The following SLCO1A2 variants were observed in gnomAD, a reference collection of about 807,000 sequenced individuals.
SLCO1A2 encodes the protein OATP-1.
SLCO1A2 carries 67 observed loss-of-function variants against 69.0 expected under a neutral mutation model. The ratio of observed to expected loss-of-function variants is 0.97; its 90% CI spans 0.80 to 1.19. The LOEUF (loss-of-function observed/expected upper bound fraction) is 1.19, where lower values mean the gene tolerates loss of function less well. SLCO1A2 is among the 50% of genes most tolerant of loss of function. The pLI is 0.00. For missense variants in SLCO1A2, 787 were observed against 793.7 expected, an observed-to-expected ratio of 0.99 and a Z score of 0.10; for synonymous variants, 260 against 265.9, an observed-to-expected ratio of 0.98 and a Z score of 0.22.
At chr12:21,391,524 C>T (rs931751586) in intron 1 of SLCO1A2, among the ~76,000 whole-genome samples, 3 of 152,010 alleles carry the variant, frequency 2.0e-5, no homozygotes, top group Admixed American at 6.6e-5. Flanking sequence ...TCAAAAGTTG[C>T]GATAATGTAC....
intron 1 of SLCO1A2, among the ~76,000 whole-genome samples, chr12:21,380,281 T>A (rs747933038): frequency 6.6e-6 from 1 of 152,202 alleles, no homozygotes; most frequent in Non-Finnish European, 1.5e-5. Flanking sequence ...TTTCTAGTGT[T>A]AACAAAATTT....
Position 21,334,606 on chromosome 12 carries a change from T to C in SLCO1A2, c.42A>G (p.Arg14=), listed in dbSNP as rs1435917959. ...TCCATACCTTCAACTTGGAAAGACA[T>C]CTTATTCTATGGGTTTCAATTCTTT... ...TEKRIETHRI[R]CLSKLKMFLL... is the part of the protein sequence containing the mutation. The change falls in exon 2 of 15, where the codon AGA becomes AGG. Residue 14 remains arginine, a synonymous_variant. Coordinates refer to ENST00000683939, the MANE Select transcript of SLCO1A2 (RefSeq NM_001386879.1). 6.2e-7 allele frequency: 1 copy of C among 1,610,450 alleles called. No homozygotes were observed. Among genetic ancestry groups the C allele is most frequent in the East Asian group, 2.2e-5 (1 of 44,732 alleles).
chr12:21,402,501 T>G (rs1941739320), intron 1 of SLCO1A2, among the ~76,000 whole-genome samples: 1 of 152,026 alleles, frequency 6.6e-6, no homozygotes, highest in South Asian at 2.1e-4. Context: ...AATTAAAAAT[T>G]TTTTGAAAGA....
At position 21,266,213 on chromosome 12, in the gene SLCO1A2, G is replaced by T. The variant is rs893202738; in HGVS notation, c.*3335C>A. ...CAAGCTTTTGGTTACAAAACATTTC[G>T]AGCTTTTCTTTAATTACTTAGTCTT... On this transcript the variant is annotated 3_prime_UTR_variant, in exon 15 of 15. Transcript: ENST00000683939. 1 of 152,054 alleles carries T rather than the reference G, an allele frequency of 6.6e-6. No individual in the cohort carries two copies. The highest frequency in any genetic ancestry group is 2.4e-5 in the African/African-American group (1 of 41,428). The allele number at this position is 152,054 out of a possible 1,614,324, so 9.4% of individuals were successfully genotyped here.
At chr12:21,324,917 T>G (rs1380255378) in intron 2 of SLCO1A2, among the ~76,000 whole-genome samples, 1 of 152,222 alleles carries the variant, frequency 6.6e-6, no homozygotes, top group Non-Finnish European at 1.5e-5. Flanking sequence ...CAAGATCCTA[T>G]GCAAACAATT....
chr12:21,328,180 C>T (rs562303578), intron 2 of SLCO1A2, among the ~76,000 whole-genome samples: 1 of 152,134 alleles, frequency 6.6e-6, no homozygotes, highest in Non-Finnish European at 1.5e-5. Context: ...CCATGTGGAA[C>T]TGTGAGTCCA....
At chr12:21,308,753 T>C (rs925807678) in intron 4 of SLCO1A2, among the ~76,000 whole-genome samples, 1 of 152,242 alleles carries the variant, frequency 6.6e-6, no homozygotes, top group South Asian at 2.1e-4. Flanking sequence ...TTCTGAGCCA[T>C]GTGCGAAACA....
At position 21,265,034 on chromosome 12, in the gene SLCO1A2, G is replaced by C. The variant is rs980753080; in HGVS notation, c.*4514C>G. On this transcript the variant is annotated 3_prime_UTR_variant, in exon 15 of 15. Coordinates refer to ENST00000683939, the MANE Select transcript of SLCO1A2 (RefSeq NM_001386879.1). ...GGACATGAGGAGAGGAGGGATGGCA[G>C]AATTTTATCTGGAGCCTTTCACATG... 6.6e-5 allele frequency: 10 copies of C among 152,542 alleles called. No individual in the cohort carries two copies. The highest frequency in any genetic ancestry group is 2.4e-4 in the African/African-American group (10 of 41,540). 9.4% of individuals were successfully genotyped at this position (152,542 alleles called of 1,614,324 possible).
chr12:21,408,042 G>A (rs748220568), intron 1 of SLCO1A2, among the ~76,000 whole-genome samples: 2 of 152,076 alleles, frequency 1.3e-5, no homozygotes, highest in Admixed American at 1.3e-4. Context: ...TTTCTATAGG[G>A]GGAATGTTTA....
chr12:21,408,100 A>G (rs772749173), intron 1 of SLCO1A2, among the ~76,000 whole-genome samples: 2 of 152,228 alleles, frequency 1.3e-5, no homozygotes, highest in East Asian at 1.9e-4. Context: ...AAGGCACCAA[A>G]CTATTTTCCC....
chr12:21,269,385 C>A lies in SLCO1A2; in HGVS notation c.*163G>T. 1.9e-6 allele frequency: 1 copy of A among 525,418 alleles called. No individual in the cohort carries two copies. The highest frequency in any genetic ancestry group is 3.3e-6 in the Non-Finnish European group (1 of 303,026). 32.5% of individuals were successfully genotyped at this position (525,418 alleles called of 1,614,324 possible). On this transcript the variant is annotated 3_prime_UTR_variant, in exon 15 of 15. Transcript: ENST00000683939. ...TAGGAAAACTCAAGTGTCACTGATA[C>A]CTTAGAAATATCATTAGTGAACATT...
At chr12:21,395,815 C>T (rs368758769), upstream of SLCO1A2, among the ~76,000 whole-genome samples, 1 of 152,176 alleles carries the variant, frequency 6.6e-6, no homozygotes, top group East Asian at 1.9e-4. Flanking sequence ...TGAGGGTCCT[C>T]TCTGTTGGAA....
intron 2 of SLCO1A2, among the ~76,000 whole-genome samples, chr12:21,369,118 A>T (rs1239364419): frequency 2.0e-5 from 3 of 152,190 alleles, no homozygotes; most frequent in Non-Finnish European, 4.4e-5. Context: ...AATTTGATAA[A>T]ATGTAAAAAT....
chr12:21,406,124 C>G (rs988347197), intron 1 of SLCO1A2, among the ~76,000 whole-genome samples: 12 of 152,150 alleles, frequency 7.9e-5, no homozygotes, highest in Admixed American at 7.2e-4. Context: ...GAATCCTTTT[C>G]TTTTGCTAGG....
At chr12:21,305,495 A>G (rs112633391) in intron 5 of SLCO1A2, among the ~76,000 whole-genome samples, 12 of 152,168 alleles carry the variant, frequency 7.9e-5, no homozygotes, top group Admixed American at 7.2e-4. Flanking sequence ...AATAGTCTCT[A>G]TTTCTAGGTA....
At chr12:21,358,113 A>G (rs932657394) in intron 2 of SLCO1A2, among the ~76,000 whole-genome samples, 5 of 152,102 alleles carry the variant, frequency 3.3e-5, no homozygotes, top group Non-Finnish European at 4.4e-5. Context: ...TGGAATAGGC[A>G]TTTTTCACTT....
At chr12:21,407,798 G>C (rs187363445) in intron 1 of SLCO1A2, among the ~76,000 whole-genome samples, 2 of 139,082 alleles carry the variant, frequency 1.4e-5, no homozygotes, top group East Asian at 4.3e-4. Flanking sequence ...CAGAGACCCT[G>C]TCTAATGAAA....
chr12:21,401,074 C>T (rs1232116005), intron 1 of SLCO1A2, among the ~76,000 whole-genome samples: 1 of 151,270 alleles, frequency 6.6e-6, no homozygotes, highest in Non-Finnish European at 1.5e-5. Flanking sequence ...TAAAGGTTCC[C>T]AGCTAATATC....
At chr12:21,346,630 A>T (rs1374524823) in intron 2 of SLCO1A2, among the ~76,000 whole-genome samples, 1 of 152,160 alleles carries the variant, frequency 6.6e-6, no homozygotes, top group Non-Finnish European at 1.5e-5. Context: ...GTACCAAGTT[A>T]CAGATTCCCA....
Sources: gnomAD v4.1 joint callset for allele counts (sites outside exome capture counted in the v4.1 genomes callset) on GRCh38, gnomAD v4.1.1 for gene constraint, MANE v1.5 for transcripts, NCBI Gene and HGNC (gene_info 2026-07-23, HGNC 2026-07-21) for gene names.